MRPL38: variants seen among roughly 807,000 people sequenced by gnomAD.
The protein encoded by MRPL38 is large ribosomal subunit protein mL38.
A neutral mutation model predicts 52.1 loss-of-function variants in MRPL38; 51 were observed. The ratio of observed to expected loss-of-function variants is 0.98; its 90% CI spans 0.78 to 1.24. The LOEUF (loss-of-function observed/expected upper bound fraction) is 1.24. Ranked by LOEUF, MRPL38 falls within the 50% of genes most tolerant of loss-of-function variation. The pLI is 0.00. For synonymous variants in MRPL38, 245 were observed against 212.7 expected (o/e 1.15, Z -1.32); for missense variants, 527 against 518.6 (o/e 1.02, Z -0.16).
In MRPL38 at chr17:75,904,608, C is replaced by A. The variant is rs747707325; in HGVS notation, c.179G>T (p.Arg60Leu). Residue 60 changes from arginine to leucine, a missense_variant, in exon 2 of 9, where the codon CGA (arginine) becomes CTA (leucine). Transcript: ENST00000309352. ...CGGGGCCTGCGCCTCCTGCTCTGCT[C>A]GGCGCCGGTAGCGGTCGAAGCTCCG... The part of the protein sequence containing the change: ...KYRSFDRYRR[R>L]AEQEAQAPHW... 1 of 1,592,744 alleles carries A rather than the reference C, an allele frequency of 6.3e-7. No individual in the cohort carries two copies. The highest frequency in any genetic ancestry group is 1.7e-5 in the Admixed American group (1 of 59,040).
intron 8 of MRPL38, 78 bp downstream of exon 8, chr17:75,899,080 A>G: frequency 1.3e-6 from 2 of 1,539,220 alleles, no homozygotes; most frequent in Non-Finnish European, 1.7e-6. Flanking sequence ...GCCTTCCCCT[A>G]ACAAAGCTTC....
rs759646448 is a variant in MRPL38, at chr17:75,901,317, C to A, written c.592-44G>T. 3.8e-6 allele frequency: 6 copies of A among 1,591,868 alleles called. No homozygotes were observed. The Admixed American group carries it at 8.5e-5, about 23-fold the overall frequency. On this transcript the variant is annotated intron_variant, in intron 4 of 8. Coordinates refer to ENST00000309352, the MANE Select transcript of MRPL38 (RefSeq NM_032478.4). This position sits in a 1 kb window ranked among gnomAD's most constrained non-coding sequence, Gnocchi z 5.7. The stretch of plus-strand genomic sequence containing the variant: ...AGCTGTCAGCCCCACCAGGGACAGG[C>A]CAGCTGTTGCAGGGAGCCTTGGAGA...
intron 2 of MRPL38, 36 bp downstream of exon 2, chr17:75,904,504 G>A: frequency 6.7e-7 from 1 of 1,482,062 alleles, no homozygotes; most frequent in Non-Finnish European, 8.9e-7. Flanking sequence ...AGTTCCCCGG[G>A]CGGTGGCTGC....
chr17:75,898,918 G>A lies in MRPL38; in HGVS notation c.1075C>T (p.His359Tyr), dbSNP rs755065471. 1.9e-6 allele frequency: 3 copies of A among 1,610,674 alleles called. No homozygotes were observed. Among genetic ancestry groups the A allele is most frequent in the Non-Finnish European group, 2.5e-6 (3 of 1,179,200 alleles). ...PYHPKQKRFPHRQPLRYLDRY... is the reference protein window; with the variant it reads ...PYHPKQKRFPYRQPLRYLDRY... ...TCCAGGTAGCGCAGGGGCTGCCGGT[G>A]GGGGAAGCGCTTCTGCTTGGGGTGG... is the stretch of plus-strand genomic sequence containing the variant. The change falls in exon 9 of 9, where the codon CAC becomes TAC. Residue 359 changes from histidine to tyrosine, a missense_variant. Physicochemically the swap from His to Tyr is moderately conservative, Grantham distance 83 (BLOSUM62 2). Coordinates refer to ENST00000309352, the MANE Select transcript of MRPL38 (RefSeq NM_032478.4).
intron 2 of MRPL38, chr17:75,904,213 CAG>C (rs1174342792): frequency 1.9e-5 from 10 of 538,388 alleles, no homozygotes; most frequent in Admixed American, 1.8e-4. Context: ...GCAGTGTGGC[CAG>C]AGTTACCTAC....
In MRPL38 at chr17:75,904,789, C is replaced by G. The variant is rs1331577176; in HGVS notation, c.67+20G>C. ...GCGACAGCCCCCCCCCCCCCCCCCG[C>G]AGAGCTGCCCACCCCTCACCCGAGG... On this transcript the variant is annotated intron_variant, in intron 1 of 8. Coordinates refer to ENST00000309352, the MANE Select transcript of MRPL38 (RefSeq NM_032478.4). The G allele has an allele frequency of 2.3e-6, 3 of 1,308,964 alleles. No individual in the cohort carries two copies. Among genetic ancestry groups the G allele is most frequent in the South Asian group, 3.1e-5 (2 of 64,588 alleles). 81.1% of individuals were successfully genotyped at this position (1,308,964 alleles called of 1,614,324 possible). A position where few individuals can be genotyped will look rare whatever the true frequency, so the allele number is the denominator to read the frequency against.
chr17:75,904,569 G>T lies in MRPL38; in HGVS notation c.218C>A (p.Thr73Asn). The change falls in exon 2 of 9, where the codon ACC becomes AAC. Residue 73 changes from threonine (T) to asparagine (N), a missense_variant. Coordinates refer to ENST00000309352, the MANE Select transcript of MRPL38 (RefSeq NM_032478.4). ...QEAQAPHWWR[T>N]YREYFGEKTD... ...CTTCTCCCCGAAATACTCTCGGTAG[G>T]TCCGCCACCAGTGCGGGGCCTGCGC... is the stretch of plus-strand genomic sequence containing the variant. 1.9e-6 allele frequency: 3 copies of T among 1,576,816 alleles called. No individual in the cohort carries two copies. The South Asian group carries it at 3.4e-5, about 18-fold the overall frequency.
At chr17:75,904,767 A>ACCGGGGGGG in intron 1 of MRPL38, 42 bp downstream of exon 1, 1 of 665,822 alleles carries the variant, frequency 1.5e-6, no homozygotes, top group Non-Finnish European at 2.2e-6. Flanking sequence ...AGCTCGGGCG[A>ACCGGGGGGG]CAGCCCCCCC....
chr17:75,899,665 G>T lies in MRPL38; in HGVS notation c.720C>A (p.Ile240=), dbSNP rs747345745. The T allele has an allele frequency of 6.3e-7, 1 of 1,575,134 alleles. No homozygotes were observed. The highest frequency in any genetic ancestry group is 8.6e-7 in the Non-Finnish European group (1 of 1,158,192). The change falls in exon 7 of 9, where the codon ATC becomes ATA. Residue 240 remains isoleucine, a synonymous_variant. Coordinates refer to ENST00000309352, the MANE Select transcript of MRPL38 (RefSeq NM_032478.4). ...GTCCTTCAGCCACCCGGTTACCCGG[G>T]ATGTTGGTTCTGGGAGGAGGAAAGT... ...AEYLHWLLTN[I]PGNRVAEGQV... is the part of the protein sequence containing the mutation.
In MRPL38 at chr17:75,901,318, C is replaced by A. The variant is rs1466149257; in HGVS notation, c.592-45G>T. 6.3e-7 allele frequency: 1 copy of A among 1,588,542 alleles called. No individual in the cohort carries two copies. Among genetic ancestry groups the A allele is most frequent in the East Asian group, 2.3e-5 (1 of 44,418 alleles). On this transcript the variant is annotated intron_variant, in intron 4 of 8. Coordinates refer to ENST00000309352, the MANE Select transcript of MRPL38 (RefSeq NM_032478.4). The surrounding 1 kb of genome is among the most constrained non-coding windows in gnomAD (Gnocchi z 5.7). The stretch of plus-strand genomic sequence containing the variant: ...GCTGTCAGCCCCACCAGGGACAGGC[C>A]AGCTGTTGCAGGGAGCCTTGGAGAA...
chr17:75,904,375 G>A (rs1308659519), intron 2 of MRPL38, 165 bp downstream of exon 2: 13 of 782,428 alleles, frequency 1.7e-5, no homozygotes, highest in Non-Finnish European at 2.9e-5. Context: ...AAATCCTGGG[G>A]TGATTAAGCT....
chr17:75,899,413 C>T, intron 7 of MRPL38, 103 bp downstream of exon 7: 1 of 1,505,348 alleles, frequency 6.6e-7, no homozygotes, highest in South Asian at 1.3e-5. Flanking sequence ...CTATCCTGCT[C>T]TTCTGCCAGT....
At position 75,898,758 on chromosome 17, in the gene MRPL38, G is replaced by A; in HGVS notation, c.*92C>T. 7.9e-6 allele frequency: 12 copies of A among 1,517,048 alleles called. No individual in the cohort carries two copies. The highest frequency in any genetic ancestry group is 1.1e-5 in the Non-Finnish European group (12 of 1,116,352). The allele number at this position is 1,517,048 out of a possible 1,614,324, so 94.0% of individuals were successfully genotyped here. ...CAAAGAGGGGGGCTGCCTAAGGCAGGGCCCAGACCCCACAGTGTGGGCCTC... is the reference window on the plus strand; with the variant it reads ...CAAAGAGGGGGGCTGCCTAAGGCAGAGCCCAGACCCCACAGTGTGGGCCTC... On this transcript the variant is annotated 3_prime_UTR_variant, in exon 9 of 9. Transcript: ENST00000309352.
At position 75,899,312 on chromosome 17, in the gene MRPL38, G is replaced by A. The variant is rs201954650; in HGVS notation, c.870-18C>T. 9.9e-6 allele frequency: 16 copies of A among 1,610,290 alleles called. No individual in the cohort carries two copies. The Admixed American group carries it at 1.0e-4, about 10-fold the overall frequency. ...GCTGATAGCTATGAGAAGATAGAGA[G>A]CGTATGAGAGTGTGGAGTGGGGCAC... On this transcript the variant is annotated intron_variant, in intron 7 of 8. Transcript: ENST00000309352.
At chr17:75,899,115 G>T in intron 8 of MRPL38, 43 bp downstream of exon 8, 1 of 1,570,574 alleles carries the variant, frequency 6.4e-7, no homozygotes, top group South Asian at 1.2e-5. Flanking sequence ...GGCGAGGCCT[G>T]GGAGCTCAGG....
rs778254197 is a variant in MRPL38 at position 75,902,101 on chromosome 17, G to A, written c.301C>T (p.Gln101Ter). 3.1e-6 allele frequency: 5 copies of A among 1,600,062 alleles called. No homozygotes were observed. Among genetic ancestry groups the A allele is most frequent in the Non-Finnish European group, 4.3e-6 (5 of 1,173,728 alleles). ...GCCTGTTTCCGTTCCAGTAGCTGTT[G>A]GGTCCGGGAGACTTTGGGTGGAGGC... ...GLPPPKVSRT[Q>*]QLLERKQAIQ... Residue 101 changes from glutamine to a stop codon, truncating the protein, a stop_gained, in exon 3 of 9, where the codon CAA becomes TAA. Coordinates refer to ENST00000309352, the MANE Select transcript of MRPL38 (RefSeq NM_032478.4). LOFTEE classifies it high-confidence loss of function.
intron 2 of MRPL38, among the ~76,000 whole-genome samples, chr17:75,903,748 G>A (rs1697138422): frequency 1.3e-5 from 2 of 150,022 alleles, no homozygotes; most frequent in African/African-American, 4.9e-5. Flanking sequence ...TTTTTGAGAC[G>A]GAGTTTCGCT....
chr17:75,900,862 T>G, intron 6 of MRPL38, 120 bp downstream of exon 6: 1 of 1,454,394 alleles, frequency 6.9e-7, no homozygotes. Flanking sequence ...GAGGCAGAGG[T>G]GGCAGGTGAA....
In MRPL38 at chr17:75,901,221, G is replaced by A. The variant is rs201114030; in HGVS notation, c.644C>T (p.Thr215Met). 22 of 1,613,608 alleles carry A rather than the reference G, an allele frequency of 1.4e-5. No homozygotes were observed. The highest frequency in any genetic ancestry group is 2.7e-5 in the African/African-American group (2 of 75,042). ...TYEAEEGSLW[T>M]LLLTSLDGHL... ...CCCACCCAAGCTAGTGAGTAGCAAC[G>A]TCCACAAGGAGCCCTCTTCTGCCTC... The change falls in exon 5 of 9, where the codon ACG (threonine) becomes ATG (methionine). Residue 215 changes from threonine to methionine, a missense_variant. Thr to Met is a moderately conservative substitution (Grantham distance 81). Transcript: ENST00000309352. The surrounding 1 kb of genome is among the most constrained non-coding windows in gnomAD (Gnocchi z 5.7).
Sources: allele counts gnomAD v4.1 joint callset (sites outside exome capture counted in the v4.1 genomes callset), GRCh38; gene constraint gnomAD v4.1.1; non-coding constraint Gnocchi (gnomAD v3.1); transcripts MANE v1.5; gene names NCBI Gene and HGNC (gene_info 2026-07-23, HGNC 2026-07-21).